Variants in MOB1B observed in about 807,000 individuals in gnomAD.
MOB1B encodes MOB1 Mps One Binder homolog B.
Under a neutral mutation model 24.4 loss-of-function variants are expected in MOB1B, and 19 were observed. The ratio of observed to expected loss-of-function variants is 0.78; its 90% CI spans 0.54 to 1.14. MOB1B has a LOEUF of 1.14. Ranked by LOEUF, MOB1B falls within the 50% of genes most tolerant of loss-of-function variation. MOB1B has a pLI of 0.00. For missense variants in MOB1B, 243 were observed against 259.6 expected (o/e 0.94, Z 0.44); for synonymous variants, 76 against 82.1 (o/e 0.93, Z 0.40).
intron 1 of MOB1B, among the ~76,000 whole-genome samples, chr4:70,929,994 A>G (rs993187454): frequency 1.3e-5 from 2 of 151,988 alleles, no homozygotes; most frequent in South Asian, 2.1e-4. Context: ...GGCTTGAGCA[A>G]TTCACCCGTC....
At chr4:70,902,216 G>A (rs1266832868), upstream of MOB1B, 1 of 508,216 alleles carries the variant, frequency 2.0e-6, no homozygotes, top group Non-Finnish European at 3.5e-6. Flanking sequence ...GAGGGCCGGG[G>A]TGGGCTTGCA....
At chr4:70,914,207 C>T (rs377578956) in intron 1 of MOB1B, among the ~76,000 whole-genome samples, 1 of 152,204 alleles carries the variant, frequency 6.6e-6, no homozygotes, top group African/African-American at 2.4e-5. Context: ...TTGAACTATA[C>T]AGGCTCTTTA....
At chr4:70,937,428 T>C (rs1737128914) in intron 1 of MOB1B, among the ~76,000 whole-genome samples, 1 of 152,114 alleles carries the variant, frequency 6.6e-6, no homozygotes, top group Non-Finnish European at 1.5e-5. Context: ...GATTTATTGA[T>C]AAAACACTTT....
intron 4 of MOB1B, among the ~76,000 whole-genome samples, chr4:70,976,910 T>C (rs951347634): frequency 6.6e-6 from 1 of 151,938 alleles, no homozygotes; most frequent in African/African-American, 2.4e-5. Flanking sequence ...CAAGGAAATG[T>C]AAAAAGAATC....
chr4:70,947,613 A>G (rs1006947976), intron 1 of MOB1B, among the ~76,000 whole-genome samples: 3 of 151,962 alleles, frequency 2.0e-5, no homozygotes, highest in African/African-American at 7.3e-5. Context: ...AGTGTCTTTC[A>G]TAGAGCAGAA....
At chr4:70,957,792 A>G (rs976553868) in intron 1 of MOB1B, among the ~76,000 whole-genome samples, 3 of 131,490 alleles carry the variant, frequency 2.3e-5, no homozygotes, top group African/African-American at 5.6e-5. Context: ...GGGTCTTGCT[A>G]TGTTGCCCAA....
intron 3 of MOB1B, among the ~76,000 whole-genome samples, chr4:70,971,562 A>G (rs1738756508): frequency 6.6e-6 from 1 of 152,044 alleles, no homozygotes; most frequent in Admixed American, 6.6e-5. Context: ...TTTATCATCA[A>G]AGCTAGAGTG....
chr4:70,925,831 A>G (rs1252041934), intron 1 of MOB1B, among the ~76,000 whole-genome samples: 1 of 152,158 alleles, frequency 6.6e-6, no homozygotes, highest in Non-Finnish European at 1.5e-5. Flanking sequence ...CTCAATGTAG[A>G]TCCCCGTACT....
chr4:70,947,160 T>C (rs190702070), intron 1 of MOB1B, among the ~76,000 whole-genome samples: 1 of 152,330 alleles, frequency 6.6e-6, no homozygotes, highest in East Asian at 1.9e-4. Flanking sequence ...TTCCCTAAGC[T>C]TAAAACTAAA....
chr4:70,915,905 CTTAAGT>C (rs113666441), intron 1 of MOB1B, among the ~76,000 whole-genome samples: 6,336 of 152,080 alleles, frequency 0.042, 424 homozygotes, highest in African/African-American at 0.14. Flanking sequence ...GCCTGATCAT[CTTAAGT>C]TTGATGGTCT....
chr4:70,907,702 G>C (rs564521650), intron 1 of MOB1B, among the ~76,000 whole-genome samples: 114 of 152,244 alleles, frequency 7.5e-4, no homozygotes, highest in Non-Finnish European at 1.3e-3. Context: ...GCGCTCAGCT[G>C]CTTAGGAGGC....
intron 1 of MOB1B, among the ~76,000 whole-genome samples, chr4:70,946,077 G>GTTTTTTT (rs1737565480): frequency 1.0e-5 from 1 of 97,644 alleles, no homozygotes. Flanking sequence ...GCTGGTTTTT[G>GTTTTTTT]TTTGTTCTTT....
intron 4 of MOB1B, chr4:70,975,631 A>G: frequency 1.1e-6 from 1 of 951,616 alleles, no homozygotes; most frequent in Non-Finnish European, 1.3e-6. Flanking sequence ...TTATTTTCAG[A>G]CAATGATAGC....
At chr4:70,904,583 AC>A (rs1735662846) in intron 1 of MOB1B, among the ~76,000 whole-genome samples, 1 of 150,966 alleles carries the variant, frequency 6.6e-6, no homozygotes, top group African/African-American at 2.4e-5. Flanking sequence ...ATATGGTGAA[AC>A]CCCGTCTCTA....
chr4:70,909,550 T>G (rs1344102305), intron 1 of MOB1B, among the ~76,000 whole-genome samples: 1 of 152,062 alleles, frequency 6.6e-6, no homozygotes, highest in Non-Finnish European at 1.5e-5. Flanking sequence ...TCAATGAGTG[T>G]TTACTATGTG....
intron 1 of MOB1B, among the ~76,000 whole-genome samples, chr4:70,955,410 C>T (rs59478941): frequency 0.065 from 9,830 of 150,302 alleles, 675 homozygotes; most frequent in African/African-American, 0.16. Flanking sequence ...TAATTAATCA[C>T]ACATAAATTA....
chr4:70,906,458 T>C (rs931284114), intron 1 of MOB1B, among the ~76,000 whole-genome samples: 8 of 152,078 alleles, frequency 5.3e-5, no homozygotes, highest in African/African-American at 1.7e-4. Flanking sequence ...AATCCCTGCA[T>C]TGGTGGGGCT....
Position 70,985,574 on chromosome 4 carries a change from A to T in MOB1B, c.*3517A>T, listed in dbSNP as rs1739351944. 1 of 151,334 alleles carries T rather than the reference A, an allele frequency of 6.6e-6. No homozygotes were observed. Among genetic ancestry groups the T allele is most frequent in the African/African-American group, 2.4e-5 (1 of 41,112 alleles). 9.4% of individuals were successfully genotyped at this position (151,334 alleles called of 1,614,324 possible). ...AGTCTTGCTCTGTTGCCCGGGCTGG[A>T]GTACAATGGCATGATCTCAGCTCAC... On this transcript the variant is annotated 3_prime_UTR_variant, in exon 6 of 6. Coordinates refer to ENST00000309395, the MANE Select transcript of MOB1B (RefSeq NM_173468.4).
intron 1 of MOB1B, among the ~76,000 whole-genome samples, chr4:70,947,518 A>G (rs928371045): frequency 7.2e-5 from 11 of 152,092 alleles, no homozygotes; most frequent in African/African-American, 2.7e-4. Flanking sequence ...AGCTCTTTGT[A>G]TATTTTGGAT....
Sources: gnomAD v4.1 joint callset for allele counts (sites outside exome capture counted in the v4.1 genomes callset) on GRCh38, gnomAD v4.1.1 for gene constraint, MANE v1.5 for transcripts, NCBI Gene and HGNC (gene_info 2026-07-23, HGNC 2026-07-21) for gene names.